The following SIPA1L1 variants were observed in gnomAD, a reference collection of about 807,000 sequenced individuals.
SIPA1L1 encodes signal induced proliferation associated 1 like 1.
SIPA1L1 carries 26 observed loss-of-function variants against 162.7 expected under a neutral mutation model. The ratio of observed to expected loss-of-function variants is 0.16; its 90% CI spans 0.12 to 0.22. The LOEUF is 0.22. Among genes scored for constraint, SIPA1L1 ranks in the 10% least tolerant of loss-of-function variants. The pLI, the probability that SIPA1L1 is intolerant of heterozygous loss-of-function variation, is 1.00. For missense variants in SIPA1L1, 1,874 were observed against 2,241.0 expected (o/e 0.84, Z 3.31); for synonymous variants, 829 against 837.4 (o/e 0.99, Z 0.17).
chr14:71,455,713 G>C (rs1027899765), intron 2 of SIPA1L1, among the ~76,000 whole-genome samples: 2 of 152,096 alleles, frequency 1.3e-5, no homozygotes, highest in African/African-American at 4.8e-5. Flanking sequence ...TTACTAATAA[G>C]GGTAAATTGG....
At chr14:71,483,817 A>G (rs1363314958) in intron 2 of SIPA1L1, among the ~76,000 whole-genome samples, 3 of 152,086 alleles carry the variant, frequency 2.0e-5, no homozygotes, top group Non-Finnish European at 2.9e-5. Context: ...ACCTTGCTCA[A>G]CCATATCATC....
chr14:71,432,810 AAATC>A, intron 2 of SIPA1L1, among the ~76,000 whole-genome samples: 1 of 152,374 alleles, frequency 6.6e-6, no homozygotes, highest in East Asian at 1.9e-4. Flanking sequence ...AGTACTGAAT[AAATC>A]CTTTTCACAT....
chr14:71,617,622 A>G (rs1331609943), intron 5 of SIPA1L1, among the ~76,000 whole-genome samples: 1 of 152,232 alleles, frequency 6.6e-6, no homozygotes, highest in Non-Finnish European at 1.5e-5. Context: ...TTTAAACTAC[A>G]TGATTCGATA....
At chr14:71,373,582 G>A (rs985918537) in intron 2 of SIPA1L1, among the ~76,000 whole-genome samples, 56 of 151,062 alleles carry the variant, frequency 3.7e-4, no homozygotes, top group Admixed American at 3.6e-3. Flanking sequence ...GCTTGAACCC[G>A]GGAGGCAGAG....
chr14:71,680,937 G>T (rs189043222), intron 12 of SIPA1L1, among the ~76,000 whole-genome samples: 20 of 152,278 alleles, frequency 1.3e-4, no homozygotes, highest in Middle Eastern at 3.4e-3. Context: ...ATCTTGATCC[G>T]TGGGGGTGGA....
At chr14:71,529,987 C>T (rs1317846244) in intron 4 of SIPA1L1, among the ~76,000 whole-genome samples, 1 of 152,222 alleles carries the variant, frequency 6.6e-6, no homozygotes, top group African/African-American at 2.4e-5. Flanking sequence ...AGAAGCCACA[C>T]AGGGTGGAGG....
chr14:71,389,463 TTC>T (rs1317271792), intron 2 of SIPA1L1, among the ~76,000 whole-genome samples: 2 of 152,328 alleles, frequency 1.3e-5, no homozygotes, highest in African/African-American at 2.4e-5. Context: ...ATATTTGAAT[TTC>T]TGTTTTTAAG....
At chr14:71,372,292 G>A (rs555930789) in intron 2 of SIPA1L1, among the ~76,000 whole-genome samples, 6 of 152,094 alleles carry the variant, frequency 3.9e-5, no homozygotes, top group African/African-American at 1.4e-4. Context: ...AAAACCTTGG[G>A]CATTCTGCTC....
At position 71,555,472 on chromosome 14, in the gene SIPA1L1, A is replaced by G. The variant is rs539509986; in HGVS notation, c.-303+26102A>G. ...TTAAGAGAATGTTGTGGCTGATTTG[A>G]TCTTCTTTCTCTCCAGAACACTAAA... On this transcript the variant is annotated intron_variant, in intron 4 of 23. Transcript: ENST00000381232. Among the ~76,000 whole-genome samples, 20 of 152,218 alleles carry G rather than the reference A, an allele frequency of 1.3e-4. No homozygotes were observed. The South Asian group carries it at 4.1e-3, about 32-fold the overall frequency.
intron 2 of SIPA1L1, among the ~76,000 whole-genome samples, chr14:71,416,745 ACACACACG>A (rs1270388364): frequency 6.8e-6 from 1 of 147,300 alleles, no homozygotes; most frequent in East Asian, 2.0e-4. Flanking sequence ...ACACACACAC[ACACACACG>A]CATGCACACA....
At chr14:71,340,282 C>T (rs1432653769) in intron 2 of SIPA1L1, among the ~76,000 whole-genome samples, 2 of 151,380 alleles carry the variant, frequency 1.3e-5, no homozygotes, top group African/African-American at 4.9e-5. Flanking sequence ...CTGGATTTCA[C>T]AGAGTTGGTG....
At chr14:71,630,322 C>T (rs1280776385) in intron 7 of SIPA1L1, among the ~76,000 whole-genome samples, 1 of 152,172 alleles carries the variant, frequency 6.6e-6, no homozygotes, top group East Asian at 1.9e-4. Context: ...GCTGGCCTAT[C>T]GCTGTTCTTT....
intron 17 of SIPA1L1, among the ~76,000 whole-genome samples, chr14:71,710,290 T>C (rs574884251): frequency 1.8e-4 from 28 of 152,322 alleles, no homozygotes; most frequent in Admixed American, 5.2e-4. Flanking sequence ...AGATCACACC[T>C]CTAGATAAAA....
chr14:71,702,835 G>A (rs1597098277), intron 15 of SIPA1L1, among the ~76,000 whole-genome samples: 3 of 152,132 alleles, frequency 2.0e-5, no homozygotes, highest in Non-Finnish European at 4.4e-5. Flanking sequence ...AGATTGCTTG[G>A]TATACTTAAT....
At position 71,537,451 on chromosome 14, in the gene SIPA1L1, C is replaced by G. The variant is rs192628368; in HGVS notation, c.-303+8081C>G. Among the ~76,000 whole-genome samples the G allele has an allele frequency of 7.2e-5, 11 of 152,248 alleles. No individual in the cohort carries two copies. In the East Asian group the frequency reaches 2.1e-3, roughly 29 times the overall value. On this transcript the variant is annotated intron_variant, in intron 4 of 23. Transcript: ENST00000381232. ...GACTCCTGACCTCAGGTGATCCAAC[C>G]GCCTCAGCCTCCCAAAGTGCTGGGA...
intron 4 of SIPA1L1, among the ~76,000 whole-genome samples, chr14:71,544,196 T>C (rs1487695132): frequency 6.6e-6 from 1 of 151,568 alleles, no homozygotes; most frequent in African/African-American, 2.4e-5. Context: ...TATATACATA[T>C]GCATGTATGC....
intron 2 of SIPA1L1, among the ~76,000 whole-genome samples, chr14:71,424,487 G>C (rs183684611): frequency 1.3e-5 from 2 of 152,198 alleles, no homozygotes; most frequent in South Asian, 2.1e-4. Context: ...TATCATGAAA[G>C]GGTGTTGAAT....
rs186150216 is a variant in SIPA1L1, at chr14:71,621,178, C to A, written c.1629+2291C>A. Among the ~76,000 whole-genome samples the A allele has an allele frequency of 4.0e-3, 609 of 152,302 alleles. 4 individuals carry two copies. Among genetic ancestry groups the A allele is most frequent in the Non-Finnish European group, 6.9e-3 (467 of 68,022 alleles). On this transcript the variant is annotated intron_variant, in intron 6 of 23. Transcript: ENST00000381232. ...CTGGTCTTGCTCTGAGAACTGTTCTCCCTGCTTCTATGCTGAAGCCCTGCC... is the reference window on the plus strand; with the variant it reads ...CTGGTCTTGCTCTGAGAACTGTTCTACCTGCTTCTATGCTGAAGCCCTGCC...
intron 2 of SIPA1L1, among the ~76,000 whole-genome samples, chr14:71,429,641 G>A (rs1473772944): frequency 6.6e-6 from 1 of 152,152 alleles, no homozygotes; most frequent in Non-Finnish European, 1.5e-5. Flanking sequence ...GCAGTTGTCA[G>A]GTCATGGGAT....
Sources: allele counts gnomAD v4.1 joint callset (sites outside exome capture counted in the v4.1 genomes callset), GRCh38; gene constraint gnomAD v4.1.1; transcripts MANE v1.5; gene names NCBI Gene and HGNC (gene_info 2026-07-23, HGNC 2026-07-21).